Variants in KDM1B observed in about 807,000 individuals in gnomAD.
KDM1B encodes the protein lysine demethylase 1B, also known as lysine-specific histone demethylase 2.
Under a neutral mutation model 107.4 loss-of-function variants are expected in KDM1B, and 63 were observed. The ratio of observed to expected loss-of-function variants is 0.59; its 90% confidence interval spans 0.48 to 0.72. KDM1B has a LOEUF of 0.72. KDM1B is among the 30% of genes least tolerant of loss of function. The pLI is 0.00. For synonymous variants in KDM1B, 363 were observed against 363.9 expected (o/e 1.00, Z 0.03); for missense variants, 749 against 1,020.8 (o/e 0.73, Z 3.63).
At chr6:18,174,088 C>CT (rs764801200) in intron 7 of KDM1B, among the ~76,000 whole-genome samples, 5 of 152,180 alleles carry the variant, frequency 3.3e-5, no homozygotes, top group Admixed American at 6.5e-5. Flanking sequence ...CCGGCCCTAT[C>CT]TTAGCACCAT....
chr6:18,223,739 C>CCAT lies in KDM1B; in HGVS notation c.*1749_*1751dup, dbSNP rs897976336. The CCAT allele has an allele frequency of 1.3e-5, 2 of 152,048 alleles. No individual in the cohort carries two copies. Among genetic ancestry groups the CCAT allele is most frequent in the African/African-American group, 4.8e-5 (2 of 41,422 alleles). The allele number at this position is 152,048 out of a possible 1,614,324, so 9.4% of individuals were successfully genotyped here. On this transcript the variant is annotated 3_prime_UTR_variant, in exon 22 of 22. Coordinates refer to ENST00000650836, the MANE Select transcript of KDM1B (RefSeq NM_001364614.2). Reference sequence around the variant, plus strand: ...TTACTTTGGATATGTTTTTTCAATGCCATCTGAAGATTTTGTAATTGAGTA... The same window carrying CCAT: ...TTACTTTGGATATGTTTTTTCAATGCCATCATCTGAAGATTTTGTAATTGAGTA...
chr6:18,183,088 A>G (rs1369642880), intron 7 of KDM1B, among the ~76,000 whole-genome samples: 4 of 152,096 alleles, frequency 2.6e-5, no homozygotes, highest in Non-Finnish European at 5.9e-5. Context: ...GTTATAATTT[A>G]TATGTAAGGA....
chr6:18,212,594 T>A lies in KDM1B; in HGVS notation c.1973T>A (p.Ile658Asn). ...MKAINSLGAGIIEKIALQFPY... is the reference protein window; with the variant it reads ...MKAINSLGAGNIEKIALQFPY... Reference sequence around the variant, plus strand: ...GCTATCAACAGCTTAGGCGCAGGCATCATTGAAAAGGTGACTGAAATGACC... The same window carrying A: ...GCTATCAACAGCTTAGGCGCAGGCAACATTGAAAAGGTGACTGAAATGACC... Residue 658 changes from isoleucine to asparagine, a missense_variant, in exon 18 of 22, where the codon ATC becomes AAC. Transcript: ENST00000650836. The surrounding 1 kb of genome is among the most constrained non-coding windows in gnomAD (Gnocchi z 5.2). 1.9e-6 allele frequency: 3 copies of A among 1,610,388 alleles called. No homozygotes were observed. Among genetic ancestry groups the A allele is most frequent in the Non-Finnish European group, 2.5e-6 (3 of 1,176,496 alleles).
rs527330784 is a variant in KDM1B at position 18,211,084 on chromosome 6, A to AT, written c.1867-1396dup. On this transcript the variant is annotated intron_variant, in intron 17 of 21. Transcript: ENST00000650836. This position sits in a 1 kb window ranked among gnomAD's most constrained non-coding sequence, Gnocchi z 5.2. ...TTGGTTTTTTGTTGTGGTTTGCCTC[A>AT]TTTTTTTTGGTTGCATGGTAATTAT... Among the ~76,000 whole-genome samples, 65 of 152,024 alleles carry AT rather than the reference A, an allele frequency of 4.3e-4. 1 individual carries two copies. The South Asian group carries it at 4.6e-3, about 11-fold the overall frequency.
rs1159478613 is a variant in KDM1B at position 18,191,367 on chromosome 6, T to C, written c.955T>C (p.Tyr319His). The change falls in exon 10 of 22, where the codon TAT becomes CAT. Residue 319 changes from tyrosine to histidine, a missense_variant. Transcript: ENST00000650836. This position sits in a 1 kb window ranked among gnomAD's most constrained non-coding sequence, Gnocchi z 5.1. Reference sequence around the variant, plus strand: ...GAGAAACCTCATCCTCGCACTGTGGTATACTAACTGCAAAGTAAGTAAGGG... The same window carrying C: ...GAGAAACCTCATCCTCGCACTGTGGCATACTAACTGCAAAGTAAGTAAGGG... ...ALRNLILALWYTNCKEALTPQ... is the reference protein window; with the variant it reads ...ALRNLILALWHTNCKEALTPQ... 6.4e-7 allele frequency: 1 copy of C among 1,551,006 alleles called. No homozygotes were observed. The highest frequency in any genetic ancestry group is 1.2e-5 in the South Asian group (1 of 84,048).
chr6:18,182,153 T>C (rs527396017), intron 7 of KDM1B, among the ~76,000 whole-genome samples: 81 of 152,262 alleles, frequency 5.3e-4, no homozygotes, highest in African/African-American at 1.9e-3. Context: ...TTAACTACTT[T>C]TCTTCTCACC....
intron 12 of KDM1B, among the ~76,000 whole-genome samples, chr6:18,199,758 T>C (rs1389891787): frequency 6.6e-6 from 1 of 151,968 alleles, no homozygotes; most frequent in Non-Finnish European, 1.5e-5. Flanking sequence ...TTTGCAGTCC[T>C]AAAGGAATTT....
Position 18,200,606 on chromosome 6 carries a change from TAAAGG to T in KDM1B, c.1359+35_1359+39del. 1 of 1,590,788 alleles carries T rather than the reference TAAAGG, an allele frequency of 6.3e-7. No homozygotes were observed. Among genetic ancestry groups the T allele is most frequent in the Non-Finnish European group, 8.5e-7 (1 of 1,170,488 alleles). On this transcript the variant is annotated intron_variant, in intron 13 of 21. Transcript: ENST00000650836. The surrounding 1 kb of genome is among the most constrained non-coding windows in gnomAD (Gnocchi z 4.3). ...GTTTCTTTTAGCTTTGTGTTGTAGA[TAAAGG>T]AAAGAAAAACAGTTTCAATTTGCTT...
rs1407067589 is a variant in KDM1B, at chr6:18,162,934, C to T, written c.305+10C>T. On this transcript the variant is annotated intron_variant, in intron 5 of 21. Coordinates refer to ENST00000650836, the MANE Select transcript of KDM1B (RefSeq NM_001364614.2). The surrounding 1 kb of genome is among the most constrained non-coding windows in gnomAD (Gnocchi z 4.1). ...ACCATTACTACAGAAGGTATGTTCA[C>T]TAATTGTGTGAGGTTTCCCTGGAGA... 6.4e-7 allele frequency: 1 copy of T among 1,554,090 alleles called. No individual in the cohort carries two copies. The highest frequency in any genetic ancestry group is 1.1e-5 in the South Asian group (1 of 89,804).
At chr6:18,174,134 T>C (rs554752920) in intron 7 of KDM1B, among the ~76,000 whole-genome samples, 1 of 152,358 alleles carries the variant, frequency 6.6e-6, no homozygotes, top group African/African-American at 2.4e-5. Context: ...TGTGTAAGTC[T>C]GTTTCTGGAC....
At chr6:18,217,526 CT>C (rs1183255082) in intron 20 of KDM1B, among the ~76,000 whole-genome samples, 5 of 152,004 alleles carry the variant, frequency 3.3e-5, no homozygotes, top group Middle Eastern at 3.4e-3. Flanking sequence ...CTACAGGCGC[CT>C]GCCATCATGC....
rs545050827 is a variant in KDM1B at position 18,155,436 on chromosome 6, AGCGGCGGCG to A, written c.-181_-173del. ...CGGGTCACGCCGTGACAGGGGCGGA[AGCGGCGGCG>A]GCGGCGGCGGCCGAGAAGAGGCTGG... On this transcript the variant is annotated 5_prime_UTR_variant, in exon 1 of 22. Coordinates refer to ENST00000650836, the MANE Select transcript of KDM1B (RefSeq NM_001364614.2). The surrounding 1 kb of genome is among the most constrained non-coding windows in gnomAD (Gnocchi z 6.2). The A allele has an allele frequency of 5.0e-3, 797 of 158,122 alleles. 8 individuals are homozygous for A. Among genetic ancestry groups the A allele is most frequent in the African/African-American group, 0.018 (738 of 41,490 alleles). 9.8% of individuals were successfully genotyped at this position (158,122 alleles called of 1,614,324 possible). A position where few individuals can be genotyped will look rare whatever the true frequency, so the allele number is the denominator to read the frequency against.
Position 18,205,087 on chromosome 6 carries a change from G to A in KDM1B, c.1532-450G>A, listed in dbSNP as rs969464584. On this transcript the variant is annotated intron_variant, in intron 14 of 21. Transcript: ENST00000650836. The surrounding 1 kb of genome is among the most constrained non-coding windows in gnomAD (Gnocchi z 5.7). ...ACAGACTGTAGCCAATAGGTTACAG[G>A]TCTCTTAGTTGAGGTGAGATGTTGT... Among the ~76,000 whole-genome samples, 7 of 152,162 alleles carry A rather than the reference G, an allele frequency of 4.6e-5. No homozygotes were observed. Among genetic ancestry groups the A allele is most frequent in the Admixed American group, 4.6e-4 (7 of 15,280 alleles).
At position 18,191,498 on chromosome 6, in the gene KDM1B, G is replaced by A; in HGVS notation, c.969+117G>A. 1 of 1,158,286 alleles carries A rather than the reference G, an allele frequency of 8.6e-7. No individual in the cohort carries two copies. The highest frequency in any genetic ancestry group is 1.6e-5 in the African/African-American group (1 of 64,134). 71.8% of individuals were successfully genotyped at this position (1,158,286 alleles called of 1,614,324 possible). On this transcript the variant is annotated intron_variant, in intron 10 of 21. Transcript: ENST00000650836. This position sits in a 1 kb window ranked among gnomAD's most constrained non-coding sequence, Gnocchi z 5.1. ...GCCAGGGTTTCTCAGCCGTGCCTCT[G>A]TTGACAATTTGGGCAGATAATTCTT...
Position 18,205,688 on chromosome 6 carries a change from T to C in KDM1B, c.1659+24T>C, listed in dbSNP as rs1286748195. Reference sequence around the variant, plus strand: ...AGGTGCGCTTGGGTTTTGTGAAAGGTGTGCTTTGAAAATACTTGGTTTAGG... The same window carrying C: ...AGGTGCGCTTGGGTTTTGTGAAAGGCGTGCTTTGAAAATACTTGGTTTAGG... On this transcript the variant is annotated intron_variant, in intron 15 of 21. Transcript: ENST00000650836. The surrounding 1 kb of genome is among the most constrained non-coding windows in gnomAD (Gnocchi z 5.7). 3.4e-6 allele frequency: 5 copies of C among 1,479,982 alleles called. No individual in the cohort carries two copies. Among genetic ancestry groups the C allele is most frequent in the Non-Finnish European group, 9.0e-7 (1 of 1,117,066 alleles). 91.7% of individuals were successfully genotyped at this position (1,479,982 alleles called of 1,614,324 possible).
chr6:18,200,353 A>T lies in KDM1B; in HGVS notation c.1222-86A>T. 7.7e-7 allele frequency: 1 copy of T among 1,292,300 alleles called. No individual in the cohort carries two copies. The highest frequency in any genetic ancestry group is 1.1e-6 in the Non-Finnish European group (1 of 933,646). The allele number at this position is 1,292,300 out of a possible 1,614,324, so 80.1% of individuals were successfully genotyped here. A position where few individuals can be genotyped will look rare whatever the true frequency, so the allele number is the denominator to read the frequency against. ...AATTAACCAAATATAGAGGCTATTT[A>T]ACAGTGTCCTTCTACATTTTTATAA... is the stretch of plus-strand genomic sequence containing the variant. On this transcript the variant is annotated intron_variant, in intron 12 of 21. Coordinates refer to ENST00000650836, the MANE Select transcript of KDM1B (RefSeq NM_001364614.2). This position sits in a 1 kb window ranked among gnomAD's most constrained non-coding sequence, Gnocchi z 4.3.
intron 5 of KDM1B, among the ~76,000 whole-genome samples, chr6:18,163,344 G>A (rs750901390): frequency 7.9e-5 from 12 of 152,144 alleles, no homozygotes; most frequent in Non-Finnish European, 1.2e-4. Context: ...ACAGGCGTGA[G>A]CCACTGCACC....
At chr6:18,221,269 T>C (rs1029112878) in intron 21 of KDM1B, among the ~76,000 whole-genome samples, 4 of 152,178 alleles carry the variant, frequency 2.6e-5, no homozygotes, top group African/African-American at 9.7e-5. Flanking sequence ...CAGCTACCCC[T>C]TTCCACAGCC....
chr6:18,222,128 A>C lies in KDM1B; in HGVS notation c.*136A>C, dbSNP rs1319883058. On this transcript the variant is annotated 3_prime_UTR_variant, in exon 22 of 22. Coordinates refer to ENST00000650836, the MANE Select transcript of KDM1B (RefSeq NM_001364614.2). Reference sequence around the variant, plus strand: ...GAAATGTTTCTAAGGCGATATGATAATGCAAACCTATTTCATCACTCTAAA... The same window carrying C: ...GAAATGTTTCTAAGGCGATATGATACTGCAAACCTATTTCATCACTCTAAA... 2 of 798,356 alleles carry C rather than the reference A, an allele frequency of 2.5e-6. No homozygotes were observed. The highest frequency in any genetic ancestry group is 2.2e-6 in the Non-Finnish European group (1 of 457,282). 49.5% of individuals were successfully genotyped at this position (798,356 alleles called of 1,614,324 possible). A position where few individuals can be genotyped will look rare whatever the true frequency, so the allele number is the denominator to read the frequency against.
Sources: allele counts gnomAD v4.1 joint callset (sites outside exome capture counted in the v4.1 genomes callset), GRCh38; gene constraint gnomAD v4.1.1; non-coding constraint Gnocchi (gnomAD v3.1); transcripts MANE v1.5; gene names NCBI Gene and HGNC (gene_info 2026-07-23, HGNC 2026-07-21).